The following NTNG2 variants were observed in gnomAD, a reference collection of about 807,000 sequenced individuals.
The protein encoded by NTNG2 is netrin G2.
A neutral mutation model predicts 47.6 loss-of-function variants in NTNG2; 15 were observed. The observed-to-expected ratio is 0.32, with a 90% CI of 0.21 to 0.49. The LOEUF (loss-of-function observed/expected upper bound fraction) is 0.49, where lower values mean the gene tolerates loss of function less well. NTNG2 is among the 20% of genes least tolerant of loss of function. The probability of loss-of-function intolerance (pLI) is 0.99; values close to 1 mark genes in which losing one functional copy is unlikely to be tolerated. For missense variants in NTNG2, 578 were observed against 764.6 expected, an observed-to-expected ratio of 0.76 and a Z score of 2.88; for synonymous variants, 307 against 324.6, an observed-to-expected ratio of 0.95 and a Z score of 0.58.
intron 2 of NTNG2, among the ~76,000 whole-genome samples, chr9:132,169,359 G>A (rs1475026296): frequency 6.6e-6 from 1 of 152,172 alleles, no homozygotes; most frequent in East Asian, 1.9e-4. Context: ...TGGAGGGCTG[G>A]CTTTGGAGGG....
intron 3 of NTNG2, 44 bp downstream of exon 3, chr9:132,198,653 GCTAT>G (rs1445986674): frequency 3.2e-6 from 5 of 1,572,936 alleles, no homozygotes; most frequent in Non-Finnish European, 3.5e-6. Context: ...AACCTGGGAT[GCTAT>G]CTGTTACCTG....
chr9:132,222,493 T>C (rs914905710), intron 3 of NTNG2, among the ~76,000 whole-genome samples: 1 of 152,228 alleles, frequency 6.6e-6, no homozygotes, highest in Non-Finnish European at 1.5e-5. Context: ...GCAGGGTTAG[T>C]GTCCAGGCTC....
At chr9:132,241,670 G>A (rs2131061327) in intron 7 of NTNG2, among the ~76,000 whole-genome samples, 1 of 152,290 alleles carries the variant, frequency 6.6e-6, no homozygotes, top group South Asian at 2.1e-4. Context: ...GAGAGGGGCA[G>A]CGGTGGGAGG....
At chr9:132,174,930 A>AT (rs1836311434) in intron 2 of NTNG2, among the ~76,000 whole-genome samples, 1 of 150,232 alleles carries the variant, frequency 6.7e-6, no homozygotes, top group Non-Finnish European at 1.5e-5. Flanking sequence ...TCAAAAAAAA[A>AT]AAGTGTATTT....
rs537357819 is a variant in NTNG2, at chr9:132,163,545, C to G, written c.-484+1306C>G. 3.9e-5 allele frequency among the ~76,000 whole-genome samples: 6 copies of G among 152,252 alleles called. No individual in the cohort carries two copies. Among genetic ancestry groups the G allele is most frequent in the African/African-American group, 1.4e-4 (6 of 41,562 alleles). ...CAAGCTCCCTTTCCCTCCCGGCAAC[C>G]GCCACTCTCCCCTGAAAGCAGATTT... On this transcript the variant is annotated intron_variant, in intron 1 of 7. Coordinates refer to ENST00000393229, the MANE Select transcript of NTNG2 (RefSeq NM_032536.4). The surrounding 1 kb of genome is among the most constrained non-coding windows in gnomAD (Gnocchi z 7.2).
chr9:132,226,477 C>G lies in NTNG2; in HGVS notation c.858-372C>G, dbSNP rs532145928. Among the ~76,000 whole-genome samples, 1 of 152,338 alleles carries G rather than the reference C, an allele frequency of 6.6e-6. No individual in the cohort carries two copies. Among genetic ancestry groups the G allele is most frequent in the Admixed American group, 6.5e-5 (1 of 15,308 alleles). The stretch of plus-strand genomic sequence containing the variant: ...CAGGTGCTGGCAGCAGCCTCTGTCA[C>G]CCATCAACCCACATCAGTCAAAGGC... On this transcript the variant is annotated intron_variant, in intron 3 of 7. Transcript: ENST00000393229. This position sits in a 1 kb window ranked among gnomAD's most constrained non-coding sequence, Gnocchi z 4.8.
chr9:132,238,953 G>T, intron 5 of NTNG2, 151 bp from the exon 6 acceptor site: 1 of 747,988 alleles, frequency 1.3e-6, no homozygotes. Flanking sequence ...TCCGATGGAA[G>T]GGTGGGAGGC....
upstream of NTNG2, chr9:132,162,048 C>G (rs1564371901): frequency 6.7e-6 from 1 of 150,350 alleles, no homozygotes; most frequent in Non-Finnish European, 1.5e-5. This position sits in a 1 kb window ranked among gnomAD's most constrained non-coding sequence, Gnocchi z 4.6. Flanking sequence ...CCGGAGGGCT[C>G]CCTGGCCCCG....
At chr9:132,209,634 A>G (rs2130816156) in intron 3 of NTNG2, among the ~76,000 whole-genome samples, 1 of 152,302 alleles carries the variant, frequency 6.6e-6, no homozygotes, top group South Asian at 2.1e-4. Flanking sequence ...TGGAGGTCAC[A>G]GTAGACGCAC....
intron 2 of NTNG2, among the ~76,000 whole-genome samples, chr9:132,171,438 A>G (rs1220125760): frequency 6.6e-6 from 1 of 152,210 alleles, no homozygotes; most frequent in Non-Finnish European, 1.5e-5. Flanking sequence ...AATCTTGATA[A>G]GCTTGACATT....
Position 132,198,195 on chromosome 9 carries a change from T to C in NTNG2, c.443T>C (p.Val148Ala), listed in dbSNP as rs1564408409. Residue 148 changes from valine to alanine, a missense_variant, in exon 3 of 8, where the codon GTC (valine) becomes GCC (alanine). Transcript: ENST00000393229. Reference protein sequence around the residue: ...VMTFEYGRPTVMVLEKSLDNG... With the variant: ...VMTFEYGRPTAMVLEKSLDNG... ...ACCTTCGAGTACGGCCGGCCCACGG[T>C]CATGGTCCTGGAGAAGTCCCTGGAC... 6.2e-7 allele frequency: 1 copy of C among 1,613,400 alleles called. No homozygotes were observed. Among genetic ancestry groups the C allele is most frequent in the East Asian group, 2.2e-5 (1 of 44,874 alleles).
chr9:132,190,362 A>C (rs1837790343), intron 2 of NTNG2, among the ~76,000 whole-genome samples: 1 of 151,656 alleles, frequency 6.6e-6, no homozygotes. Flanking sequence ...GGAGTGAGCC[A>C]GTGCATCCCT....
chr9:132,209,267 A>G (rs1351888260), intron 3 of NTNG2, among the ~76,000 whole-genome samples: 4 of 152,242 alleles, frequency 2.6e-5, no homozygotes, highest in African/African-American at 7.2e-5. Context: ...GCCGTCTTCC[A>G]GCGCGGCTGT....
intron 6 of NTNG2, 82 bp downstream of exon 6, chr9:132,239,353 C>A: frequency 7.1e-7 from 1 of 1,413,558 alleles, no homozygotes; most frequent in Non-Finnish European, 9.9e-7. Context: ...CTCTGGGGCC[C>A]CCTGCATCAG....
intron 2 of NTNG2, among the ~76,000 whole-genome samples, chr9:132,194,506 C>A (rs557226929): frequency 4.6e-5 from 7 of 152,292 alleles, no homozygotes; most frequent in South Asian, 2.1e-4. Flanking sequence ...AGCTGGGAAC[C>A]CCCCCGCCCC....
intron 3 of NTNG2, among the ~76,000 whole-genome samples, chr9:132,224,485 C>G (rs1253770005): frequency 6.6e-6 from 1 of 152,182 alleles, no homozygotes; most frequent in Non-Finnish European, 1.5e-5. Flanking sequence ...CCCCTCCAAT[C>G]ACTGATTTTG....
chr9:132,205,520 G>A (rs545365785), intron 3 of NTNG2, among the ~76,000 whole-genome samples: 7 of 152,324 alleles, frequency 4.6e-5, no homozygotes, highest in African/African-American at 1.7e-4. Context: ...TAAAGTTCTG[G>A]AGAGGGATGG....
At chr9:132,217,130 C>T (rs1009084410) in intron 3 of NTNG2, among the ~76,000 whole-genome samples, 26 of 152,214 alleles carry the variant, frequency 1.7e-4, no homozygotes, top group African/African-American at 5.5e-4. Flanking sequence ...ATCTGAGCCT[C>T]GCATTCTCAC....
At chr9:132,169,246 CA>C (rs1003771308) in intron 2 of NTNG2, among the ~76,000 whole-genome samples, 1 of 152,278 alleles carries the variant, frequency 6.6e-6, no homozygotes, top group African/African-American at 2.4e-5. Context: ...AATATTTCAT[CA>C]TGGGCTGCCA....
Sources: allele counts gnomAD v4.1 joint callset (sites outside exome capture counted in the v4.1 genomes callset), GRCh38; gene constraint gnomAD v4.1.1; non-coding constraint Gnocchi (gnomAD v3.1); transcripts MANE v1.5; gene names NCBI Gene and HGNC (gene_info 2026-07-23, HGNC 2026-07-21).